Variants in SNX13 observed in about 807,000 individuals in gnomAD.
SNX13 encodes sorting nexin 13, also known as sorting nexin-13.
SNX13 carries 45 observed loss-of-function variants against 133.6 expected under a neutral mutation model. The observed-to-expected ratio is 0.34, with a 90% CI of 0.27 to 0.43. The LOEUF (loss-of-function observed/expected upper bound fraction) is 0.43. Ranked by LOEUF, SNX13 falls within the 20% of genes least tolerant of loss-of-function variation. SNX13 has a pLI of 1.00. For missense variants in SNX13, 1,032 were observed against 1,145.1 expected, an observed-to-expected ratio of 0.90 and a Z score of 1.43; for synonymous variants, 414 against 373.9, an observed-to-expected ratio of 1.11 and a Z score of -1.24.
chr7:17,891,682 A>C (rs777813979), intron 3 of SNX13, 47 bp from the exon 4 acceptor site: 39 of 1,353,646 alleles, frequency 2.9e-5, no homozygotes, highest in Non-Finnish European at 4.0e-5. Flanking sequence ...CTGATGTAAA[A>C]TCTCTCCAGT....
At chr7:17,887,499 A>G (rs1180349446) in intron 5 of SNX13, among the ~76,000 whole-genome samples, 2 of 152,146 alleles carry the variant, frequency 1.3e-5, no homozygotes, top group Non-Finnish European at 2.9e-5. Flanking sequence ...CTAATACTAA[A>G]TAAGATGTTA....
chr7:17,861,604 T>A (rs1452060585), intron 9 of SNX13, among the ~76,000 whole-genome samples: 1 of 151,874 alleles, frequency 6.6e-6, no homozygotes, highest in Non-Finnish European at 1.5e-5. Context: ...AATGACAGAG[T>A]ATGACCTTCT....
chr7:17,802,852 TAC>T (rs1233660848), intron 21 of SNX13, among the ~76,000 whole-genome samples: 1 of 152,060 alleles, frequency 6.6e-6, no homozygotes, highest in Admixed American at 6.6e-5. Context: ...TTCAACAAAC[TAC>T]ACAGTCTAGT....
Position 17,866,852 on chromosome 7 carries a change from A to G in SNX13, c.837+1555T>C, listed in dbSNP as rs537436158. ...TTGTATATTTCAAAATAACCATAGG[A>G]GTGGAATTGGAATGTTCCTAACACA... On this transcript the variant is annotated intron_variant, in intron 9 of 25. Transcript: ENST00000428135. 2.0e-4 allele frequency among the ~76,000 whole-genome samples: 30 copies of G among 152,314 alleles called. 1 individual carries two copies. In the South Asian group the frequency reaches 6.2e-3, roughly 32 times the overall value.
At chr7:17,916,196 G>A (rs1053453329) in intron 1 of SNX13, among the ~76,000 whole-genome samples, 1 of 133,786 alleles carries the variant, frequency 7.5e-6, no homozygotes, top group Non-Finnish European at 1.6e-5. Context: ...GGAGATAGAC[G>A]TCCAATTAAC....
intron 5 of SNX13, among the ~76,000 whole-genome samples, chr7:17,877,045 G>GA (rs57618763): frequency 0.061 from 3,564 of 58,808 alleles, 172 homozygotes; most frequent in African/African-American, 0.081. Flanking sequence ...GTTACTTTTT[G>GA]AAAAAAAAAA....
chr7:17,936,313 T>C (rs758404848), intron 1 of SNX13, among the ~76,000 whole-genome samples: 1 of 152,256 alleles, frequency 6.6e-6, no homozygotes, highest in African/African-American at 2.4e-5. Context: ...CTGCATTTTT[T>C]GCCTTTTCCC....
At chr7:17,893,504 G>T in intron 2 of SNX13, 70 bp from the exon 3 acceptor site, 1 of 990,820 alleles carries the variant, frequency 1.0e-6, no homozygotes, top group Non-Finnish European at 1.5e-6. Flanking sequence ...CTACTACCAA[G>T]TATATTTTCC....
At chr7:17,886,827 C>T (rs1796046806) in intron 5 of SNX13, among the ~76,000 whole-genome samples, 1 of 152,102 alleles carries the variant, frequency 6.6e-6, no homozygotes, top group Non-Finnish European at 1.5e-5. Flanking sequence ...CAGTTTTGGT[C>T]TCAACTCCGT....
At chr7:17,854,941 G>C (rs1405107463) in intron 9 of SNX13, among the ~76,000 whole-genome samples, 1 of 152,112 alleles carries the variant, frequency 6.6e-6, no homozygotes, top group African/African-American at 2.4e-5. Flanking sequence ...CAGACTTAAA[G>C]CTTGGTCTCT....
At chr7:17,824,395 C>G (rs932358594) in intron 17 of SNX13, among the ~76,000 whole-genome samples, 16 of 152,030 alleles carry the variant, frequency 1.1e-4, no homozygotes, top group African/African-American at 3.9e-4. Flanking sequence ...GCTAAAAGAT[C>G]TAGAATCAAA....
intron 1 of SNX13, among the ~76,000 whole-genome samples, chr7:17,934,418 C>A (rs1439836523): frequency 6.6e-6 from 1 of 152,130 alleles, no homozygotes; most frequent in African/African-American, 2.4e-5. Context: ...ACCTAAAAAC[C>A]TGGTAAAGCA....
Position 17,798,727 on chromosome 7 carries a change from A to C in SNX13, c.2476T>G (p.Ser826Ala). Residue 826 changes from serine (S) to alanine (A), a missense_variant, in exon 24 of 26, where the codon TCA becomes GCA. By Grantham distance (99) the Ser-to-Ala change is moderately conservative. Transcript: ENST00000428135. ...ACTGAGTCGGCTACTTGTTCAGGTG[A>C]AGTCATCCAGTCAACATGGTCAACT... ...KIVDHVDWMTSPEQVADSVKR... is the reference protein window; with the variant it reads ...KIVDHVDWMTAPEQVADSVKR... 1 of 1,571,128 alleles carries C rather than the reference A, an allele frequency of 6.4e-7. No homozygotes were observed. The highest frequency in any genetic ancestry group is 1.2e-5 in the South Asian group (1 of 82,966).
intron 1 of SNX13, among the ~76,000 whole-genome samples, chr7:17,918,557 TATC>T (rs1184540028): frequency 1.3e-5 from 2 of 152,122 alleles, no homozygotes; most frequent in Admixed American, 6.6e-5. Context: ...GCAAATGAGG[TATC>T]ATCTCACATC....
chr7:17,867,300 G>A (rs551308617), intron 9 of SNX13, among the ~76,000 whole-genome samples: 1 of 152,156 alleles, frequency 6.6e-6, no homozygotes, highest in South Asian at 2.1e-4. Context: ...GTAAACCTTT[G>A]CAACAACAAA....
chr7:17,805,263 G>GCGCGCA (rs1785152300), intron 20 of SNX13, among the ~76,000 whole-genome samples: 1 of 148,158 alleles, frequency 6.7e-6, no homozygotes, highest in African/African-American at 2.5e-5. Flanking sequence ...GTGCGCGCGC[G>GCGCGCA]CGCATGCATG....
intron 9 of SNX13, among the ~76,000 whole-genome samples, chr7:17,863,595 T>C (rs1189528082): frequency 2.0e-5 from 3 of 152,150 alleles, no homozygotes; most frequent in African/African-American, 4.8e-5. Flanking sequence ...GTTGCCCTGA[T>C]AAGACAGACC....
intron 8 of SNX13, among the ~76,000 whole-genome samples, chr7:17,871,185 T>C (rs1408760181): frequency 6.6e-6 from 1 of 152,042 alleles, no homozygotes; most frequent in Non-Finnish European, 1.5e-5. Flanking sequence ...TTTTGTATTT[T>C]TAGTAGAGAC....
chr7:17,838,047 T>C (rs1300480202), intron 13 of SNX13, among the ~76,000 whole-genome samples: 1 of 151,934 alleles, frequency 6.6e-6, no homozygotes, highest in Non-Finnish European at 1.5e-5. Flanking sequence ...CTTTTCTCCA[T>C]TTTCATTCAA....
Sources: allele counts gnomAD v4.1 joint callset (sites outside exome capture counted in the v4.1 genomes callset), GRCh38; gene constraint gnomAD v4.1.1; transcripts MANE v1.5; gene names NCBI Gene and HGNC (gene_info 2026-07-23, HGNC 2026-07-21).